PCDH11X: variants seen among roughly 807,000 people sequenced by gnomAD.
The protein encoded by PCDH11X is protocadherin 11 X-linked.
PCDH11X carries 18 observed loss-of-function variants against 53.3 expected under a neutral mutation model. The observed-to-expected ratio is 0.34, with a 90% CI of 0.23 to 0.50. The LOEUF (loss-of-function observed/expected upper bound fraction) is 0.50, where lower values mean the gene tolerates loss of function less well. Ranked by LOEUF, PCDH11X falls within the 20% of genes least tolerant of loss-of-function variation. The probability of loss-of-function intolerance (pLI) is 0.98; values close to 1 mark genes in which losing one functional copy is unlikely to be tolerated. For missense variants in PCDH11X, 570 were observed against 1,032.4 expected (o/e 0.55, Z 6.14); for synonymous variants, 279 against 393.3 (o/e 0.71, Z 3.44).
rs777306413 is a variant in PCDH11X, at chrX:92,279,010, C to T, written c.3144+15867C>T. Among the ~76,000 whole-genome samples, 9 of 110,311 alleles carry T rather than the reference C, an allele frequency of 8.2e-5. No individual in the cohort carries two copies. In the South Asian group the frequency reaches 2.4e-3, roughly 29 times the overall value. The stretch of plus-strand genomic sequence containing the variant: ...ATTTTTAGTAGAGACAGGGTTTCTC[C>T]GTGTTGGTCAGGCTGGTCTCGAACT... On this transcript the variant is annotated intron_variant, in intron 8 of 10. Transcript: ENST00000682573.
intron 7 of PCDH11X, among the ~76,000 whole-genome samples, chrX:92,232,981 C>G (rs761654924): frequency 8.9e-6 from 1 of 112,046 alleles, no homozygotes; most frequent in South Asian, 3.7e-4. Flanking sequence ...TCCCAAAGTG[C>G]TGGGATTACA....
In PCDH11X at chrX:92,065,868, A is replaced by G. The variant is rs755716931; in HGVS notation, c.3034-135507A>G. ...TGCAGAAGCTTTTTAACTTGATGTG[A>G]TTCCATTTGTCCATTTTGCTTTGGT... On this transcript the variant is annotated intron_variant, in intron 6 of 10. Transcript: ENST00000682573. 4.5e-5 allele frequency among the ~76,000 whole-genome samples: 5 copies of G among 110,215 alleles called. No individual in the cohort carries two copies. In the South Asian group the frequency reaches 2.0e-3, roughly 43 times the overall value.
chrX:92,103,289 G>T (rs2148140412), intron 6 of PCDH11X, among the ~76,000 whole-genome samples: 1 of 111,005 alleles, frequency 9.0e-6, no homozygotes, highest in South Asian at 3.9e-4. Context: ...GTTGGCACCA[G>T]AGTGGGGGGA....
chrX:91,923,718 C>G lies in PCDH11X; in HGVS notation c.3033+44445C>G, dbSNP rs1227660314. Among the ~76,000 whole-genome samples the G allele has an allele frequency of 5.5e-5, 6 of 109,169 alleles. No individual in the cohort carries two copies. In the Admixed American group the frequency reaches 5.9e-4, roughly 11 times the overall value. 94.8% of individuals were successfully genotyped at this position (109,169 alleles called of 115,157 possible). A position where few individuals can be genotyped will look rare whatever the true frequency, so the allele number is the denominator to read the frequency against. ...AACTTCCCTTCATATATACATATAC[C>G]CTATTAGTTCTGTCCCTTTAGAGAA... On this transcript the variant is annotated intron_variant, in intron 6 of 10. Transcript: ENST00000682573.
intron 6 of PCDH11X, among the ~76,000 whole-genome samples, chrX:91,948,451 T>C (rs2571815): frequency 0.36 from 38,058 of 106,571 alleles, 5,786 homozygotes; most frequent in East Asian, 0.59. Flanking sequence ...ACAGAAGAAA[T>C]GTAAAATTCC....
At chrX:91,976,079 G>T (rs2062042026) in intron 6 of PCDH11X, among the ~76,000 whole-genome samples, 1 of 111,359 alleles carries the variant, frequency 9.0e-6, no homozygotes, top group East Asian at 2.8e-4. Flanking sequence ...TTGAGACTGG[G>T]TCCCACTCTG....
In PCDH11X at chrX:92,042,855, G is replaced by T. The variant is rs373986912; in HGVS notation, c.3034-158520G>T. ...GGGGTTTTGCCATCTTGGCCAGGCTGGTCTTGAACTCCTGACCTCGTCATC... is the reference window on the plus strand; with the variant it reads ...GGGGTTTTGCCATCTTGGCCAGGCTTGTCTTGAACTCCTGACCTCGTCATC... On this transcript the variant is annotated intron_variant, in intron 6 of 10. Coordinates refer to ENST00000682573, the MANE Select transcript of PCDH11X (RefSeq NM_032968.5). Among the ~76,000 whole-genome samples, 80 of 108,031 alleles carry T rather than the reference G, an allele frequency of 7.4e-4. 1 individual carries two copies. The East Asian group carries it at 0.02, about 27-fold the overall frequency. The allele number at this position is 108,031 out of a possible 115,157, so 93.8% of individuals were successfully genotyped here.
intron 9 of PCDH11X, among the ~76,000 whole-genome samples, chrX:92,411,832 A>G (rs1392684318): frequency 9.9e-6 from 1 of 101,363 alleles, no homozygotes; most frequent in Admixed American, 1.1e-4. Context: ...AAGGTATGCT[A>G]TTGGTGTAAA....
At chrX:92,175,616 T>G (rs2065892491) in intron 6 of PCDH11X, among the ~76,000 whole-genome samples, 1 of 109,261 alleles carries the variant, frequency 9.2e-6, no homozygotes, top group Non-Finnish European at 1.9e-5. Context: ...TATATATCTA[T>G]CTATGTATCT....
At chrX:92,185,169 C>T (rs2066069106) in intron 6 of PCDH11X, among the ~76,000 whole-genome samples, 1 of 110,716 alleles carries the variant, frequency 9.0e-6, no homozygotes, top group Admixed American at 9.7e-5. Flanking sequence ...TCACTTGAGA[C>T]CAAGGGTTCG....
At chrX:91,829,096 G>T (rs1250039598) in intron 4 of PCDH11X, among the ~76,000 whole-genome samples, 2 of 110,658 alleles carry the variant, frequency 1.8e-5, no homozygotes, top group Non-Finnish European at 3.8e-5. Flanking sequence ...TGCAGATATT[G>T]CAATTAGTAC....
At chrX:92,375,142 T>TTATATATATATATATATATATATATA (rs1260512423) in intron 8 of PCDH11X, among the ~76,000 whole-genome samples, 1 of 12,977 alleles carries the variant, frequency 7.7e-5, no homozygotes, top group African/African-American at 2.2e-4. Flanking sequence ...TTCCATTCAT[T>TTATATATATATATATATATATATATA]TATATATATA....
intron 6 of PCDH11X, among the ~76,000 whole-genome samples, chrX:91,930,515 G>A (rs192925943): frequency 1.5e-3 from 153 of 100,711 alleles, no homozygotes; most frequent in African/African-American, 5.5e-3. Flanking sequence ...ATATATACAC[G>A]TATATATATA....
intron 6 of PCDH11X, among the ~76,000 whole-genome samples, chrX:91,973,452 T>TAAAAAAAAAAAAAAAAAAAAAATA: frequency 1.1e-5 from 1 of 88,600 alleles, no homozygotes; most frequent in Non-Finnish European, 2.3e-5. Context: ...AAAAAAAAAT[T>TAAAAAAAAAAAAAAAAAAAAAATA]AAAAAAAAAA....
chrX:91,942,913 A>G (rs2061528406), intron 6 of PCDH11X, among the ~76,000 whole-genome samples: 1 of 106,711 alleles, frequency 9.4e-6, no homozygotes, highest in Non-Finnish European at 1.9e-5. Context: ...AAATCTATCA[A>G]TATTATTCAG....
chrX:92,064,253 C>T (rs1163373113), intron 6 of PCDH11X, among the ~76,000 whole-genome samples: 3 of 107,966 alleles, frequency 2.8e-5, no homozygotes, highest in South Asian at 8.2e-4. Context: ...GCCCTCCATG[C>T]ACACATTTGC....
intron 6 of PCDH11X, among the ~76,000 whole-genome samples, chrX:92,039,187 C>T (rs1391959529): frequency 9.0e-6 from 1 of 110,508 alleles, no homozygotes; most frequent in African/African-American, 3.3e-5. Flanking sequence ...CACTGGGTCT[C>T]ACCCAAGGCC....
intron 8 of PCDH11X, among the ~76,000 whole-genome samples, chrX:92,284,607 G>A (rs771990582): frequency 5.3e-5 from 6 of 112,207 alleles, no homozygotes; most frequent in South Asian, 7.3e-4. Flanking sequence ...GAAAACGCAG[G>A]ATGAGAACCA....
intron 10 of PCDH11X, among the ~76,000 whole-genome samples, chrX:92,580,695 C>T (rs1285959027): frequency 8.9e-6 from 1 of 111,955 alleles, no homozygotes; most frequent in Non-Finnish European, 1.9e-5. Context: ...TGGCCACAAC[C>T]CAAGTGGCTG....
Sources: allele counts gnomAD v4.1 joint callset (sites outside exome capture counted in the v4.1 genomes callset), GRCh38; gene constraint gnomAD v4.1.1; transcripts MANE v1.5; gene names NCBI Gene and HGNC (gene_info 2026-07-23, HGNC 2026-07-21).